The following CFTR variants were observed in gnomAD, a reference collection of about 807,000 sequenced individuals.
The protein encoded by CFTR is CF transmembrane conductance regulator.
Under a neutral mutation model 171.6 loss-of-function variants are expected in CFTR, and 181 were observed. The ratio of observed to expected loss-of-function variants is 1.05; its 90% CI spans 0.93 to 1.19. CFTR has a LOEUF of 1.19. Among genes scored for constraint, CFTR ranks in the 50% most tolerant of loss-of-function variants. The pLI, the probability that CFTR is intolerant of heterozygous loss-of-function variation, is 0.00. For missense variants in CFTR, 1,968 were observed against 1,734.7 expected, an observed-to-expected ratio of 1.13 and a Z score of -2.39; for synonymous variants, 583 against 608.0, an observed-to-expected ratio of 0.96 and a Z score of 0.60.
chr7:117,500,442 A>G (rs1490099205), intron 1 of CFTR, among the ~76,000 whole-genome samples: 1 of 151,426 alleles, frequency 6.6e-6, no homozygotes, highest in African/African-American at 2.4e-5. Flanking sequence ...ATGTGCCCCC[A>G]TGCCTGGCTA....
Position 117,580,503 on chromosome 7 carries a change from G to C in CFTR, c.1585-7236G>C, listed in dbSNP as rs182196367. ...AAAAATAAAGAAAACGCATACTTTT[G>C]ACCTAGCCATCCCATTCATGAGGGT... On this transcript the variant is annotated intron_variant, in intron 11 of 26. Coordinates refer to ENST00000003084, the MANE Select transcript of CFTR (RefSeq NM_000492.4). Among the ~76,000 whole-genome samples, 542 of 152,106 alleles carry C rather than the reference G, an allele frequency of 3.6e-3. 4 individuals are homozygous for C. Among genetic ancestry groups the C allele is most frequent in the African/African-American group, 0.013 (528 of 41,510 alleles).
At chr7:117,610,130 G>C (rs569140128) in intron 18 of CFTR, among the ~76,000 whole-genome samples, 1 of 148,342 alleles carries the variant, frequency 6.7e-6, no homozygotes, top group African/African-American at 2.5e-5. Flanking sequence ...GTAAACTATC[G>C]CAAGAACAAA....
chr7:117,559,358 T>C (rs1001546154), intron 10 of CFTR, 106 bp from the exon 11 acceptor site: 2 of 798,256 alleles, frequency 2.5e-6, no homozygotes, highest in African/African-American at 3.5e-5. Context: ...GTTAATAGAA[T>C]CTTTACAAAT....
At chr7:117,496,416 C>T (rs1308607856) in intron 1 of CFTR, among the ~76,000 whole-genome samples, 2 of 152,090 alleles carry the variant, frequency 1.3e-5, no homozygotes, top group East Asian at 3.9e-4. Flanking sequence ...GTTGTCTAGG[C>T]TGCTCTCAAA....
chr7:117,542,262 T>C (rs756095006), intron 9 of CFTR, among the ~76,000 whole-genome samples, 154 bp downstream of exon 9: 11 of 152,116 alleles, frequency 7.2e-5, no homozygotes, highest in Non-Finnish European at 1.5e-4. Flanking sequence ...GATTAAGAAG[T>C]AGAGGAATGG....
intron 3 of CFTR, among the ~76,000 whole-genome samples, chr7:117,513,202 G>T (rs754088004): frequency 9.2e-5 from 14 of 152,144 alleles, no homozygotes; most frequent in Non-Finnish European, 2.9e-5. Context: ...TCTCAGTGCA[G>T]TATGGAAGCT....
At chr7:117,625,877 A>G (rs1792642306) in intron 21 of CFTR, among the ~76,000 whole-genome samples, 11 of 152,146 alleles carry the variant, frequency 7.2e-5, no homozygotes, top group Admixed American at 5.2e-4. Context: ...TTTTAATTCA[A>G]AGTTAATCAA....
intron 21 of CFTR, among the ~76,000 whole-genome samples, chr7:117,620,836 G>T (rs1217059740): frequency 6.6e-6 from 1 of 152,172 alleles, no homozygotes; most frequent in Admixed American, 6.5e-5. Context: ...GCCAGGTGCG[G>T]TGGCTCATGC....
rs1800112 is a variant in CFTR at position 117,610,610 on chromosome 7, T to C, written c.3080T>C (p.Ile1027Thr). The C allele has an allele frequency of 5.2e-4, 847 of 1,613,670 alleles. 1 individual carries two copies. Among genetic ancestry groups the C allele is most frequent in the Non-Finnish European group, 6.8e-4 (804 of 1,179,750 alleles). Residue 1027 changes from isoleucine to threonine, a missense_variant, in exon 19 of 27, where the codon ATT becomes ACT. Physicochemically the swap from Ile to Thr is moderately conservative, Grantham distance 89. Coordinates refer to ENST00000003084, the MANE Select transcript of CFTR (RefSeq NM_000492.4). ...VATVPVIVAF[I>T]MLRAYFLQTS... The stretch of plus-strand genomic sequence containing the variant: ...ACAGTGCCAGTGATAGTGGCTTTTA[T>C]TATGTTGAGAGCATATTTCCTCCAA...
At chr7:117,587,976 C>T (rs1791971324) in intron 12 of CFTR, 143 bp downstream of exon 12, 8 of 658,378 alleles carry the variant, frequency 1.2e-5, no homozygotes, top group South Asian at 1.2e-4. Flanking sequence ...GGTTAAGAAT[C>T]ACATTTAAGA....
chr7:117,661,549 C>T (rs558685714), intron 24 of CFTR, among the ~76,000 whole-genome samples: 12 of 152,280 alleles, frequency 7.9e-5, no homozygotes, highest in African/African-American at 2.6e-4. Context: ...AAATCTCCAC[C>T]CTGTTACTAT....
intron 26 of CFTR, among the ~76,000 whole-genome samples, 180 bp downstream of exon 26, chr7:117,665,744 T>C (rs549311013): frequency 6.6e-6 from 1 of 152,336 alleles, no homozygotes; most frequent in African/African-American, 2.4e-5. Context: ...ATCTGAGCCA[T>C]GTGGTGAGGT....
chr7:117,488,623 A>C (rs1304281791), intron 1 of CFTR, among the ~76,000 whole-genome samples: 1 of 152,048 alleles, frequency 6.6e-6, no homozygotes, highest in East Asian at 1.9e-4. Flanking sequence ...CAATTTTTTT[A>C]AAAAACAATA....
chr7:117,563,029 T>G (rs1791543172), intron 11 of CFTR, among the ~76,000 whole-genome samples: 1 of 152,096 alleles, frequency 6.6e-6, no homozygotes, highest in South Asian at 2.1e-4. Flanking sequence ...AGGGGAATGA[T>G]GTAATCAGCT....
At chr7:117,590,711 A>G (rs1415545500) in intron 13 of CFTR, among the ~76,000 whole-genome samples, 1 of 152,048 alleles carries the variant, frequency 6.6e-6, no homozygotes, top group Admixed American at 6.5e-5. Context: ...TAGTTTTTGC[A>G]GTATCATTGC....
At chr7:117,497,868 A>G (rs899080057) in intron 1 of CFTR, among the ~76,000 whole-genome samples, 8 of 152,102 alleles carry the variant, frequency 5.3e-5, no homozygotes, top group African/African-American at 1.7e-4. Context: ...CCTTTTCTTT[A>G]ATGAAAAAGA....
chr7:117,535,753 C>T (rs188498499), intron 6 of CFTR, among the ~76,000 whole-genome samples: 3 of 151,972 alleles, frequency 2.0e-5, no homozygotes, highest in Non-Finnish European at 2.9e-5. Flanking sequence ...AGGCTGGTCT[C>T]GAATGCCTGA....
chr7:117,559,546 C>T lies in CFTR; in HGVS notation c.1475C>T (p.Ser492Phe), dbSNP rs121909017. Reference sequence around the variant, plus strand: ...CACAGTGGAAGAATTTCATTCTGTTCTCAGTTTTCCTGGATTATGCCTGGC... The same window carrying T: ...CACAGTGGAAGAATTTCATTCTGTTTTCAGTTTTCCTGGATTATGCCTGGC... The part of the protein sequence containing the change: ...IKHSGRISFC[S>F]QFSWIMPGTI... The change falls in exon 11 of 27, where the codon TCT (serine) becomes TTT (phenylalanine). Residue 492 changes from serine to phenylalanine, a missense_variant. Transcript: ENST00000003084. The T allele has an allele frequency of 2.5e-6, 4 of 1,611,376 alleles. No individual in the cohort carries two copies. Among genetic ancestry groups the T allele is most frequent in the Admixed American group, 3.3e-5 (2 of 60,016 alleles).
At chr7:117,571,307 C>A (rs190653395) in intron 11 of CFTR, among the ~76,000 whole-genome samples, 5 of 152,244 alleles carry the variant, frequency 3.3e-5, no homozygotes, top group Admixed American at 6.5e-5. Flanking sequence ...AGAGCAGGAA[C>A]AGATTTCAAG....
Sources: allele counts gnomAD v4.1 joint callset (sites outside exome capture counted in the v4.1 genomes callset), GRCh38; gene constraint gnomAD v4.1.1; transcripts MANE v1.5; gene names NCBI Gene and HGNC (gene_info 2026-07-23, HGNC 2026-07-21).